Variants in ARHGEF12 observed in about 807,000 individuals in gnomAD.
The protein encoded by ARHGEF12 is Rho guanine nucleotide exchange factor 12.
Under a neutral mutation model 211.2 loss-of-function variants are expected in ARHGEF12, and 66 were observed. The observed-to-expected ratio is 0.31, with a 90% CI of 0.26 to 0.38. ARHGEF12 has a LOEUF of 0.38. ARHGEF12 is among the 10% of genes least tolerant of loss of function. The pLI, the probability that ARHGEF12 is intolerant of heterozygous loss-of-function variation, is 1.00. For missense variants in ARHGEF12, 1,429 were observed against 1,869.5 expected, an observed-to-expected ratio of 0.76 and a Z score of 4.34; for synonymous variants, 592 against 638.4, an observed-to-expected ratio of 0.93 and a Z score of 1.09.
intron 4 of ARHGEF12, among the ~76,000 whole-genome samples, chr11:120,413,031 T>C (rs894283989): frequency 6.6e-6 from 1 of 152,210 alleles, no homozygotes; most frequent in Non-Finnish European, 1.5e-5. Context: ...CTTTTCTCCA[T>C]TCTATATTCT....
intron 1 of ARHGEF12, among the ~76,000 whole-genome samples, chr11:120,405,309 G>A (rs1319204529): frequency 3.9e-5 from 6 of 152,230 alleles, no homozygotes; most frequent in Admixed American, 3.3e-4. Context: ...AAATCAAAAT[G>A]TAGGATGATA....
chr11:120,396,612 C>T (rs1331406721), intron 1 of ARHGEF12, among the ~76,000 whole-genome samples: 3 of 152,102 alleles, frequency 2.0e-5, no homozygotes, highest in Non-Finnish European at 2.9e-5. Flanking sequence ...TTTCAACAAA[C>T]GGTGCTGGAA....
intron 26 of ARHGEF12, 109 bp downstream of exon 26, chr11:120,459,429 T>A: frequency 8.5e-7 from 1 of 1,177,432 alleles, no homozygotes; most frequent in Non-Finnish European, 1.2e-6. Flanking sequence ...AGATTATGTG[T>A]GAGAATGTAA....
At chr11:120,458,631 C>G (rs1040339742) in intron 25 of ARHGEF12, 1 of 218,390 alleles carries the variant, frequency 4.6e-6, no homozygotes, top group Non-Finnish European at 9.0e-6. Flanking sequence ...CTTTCTGTAT[C>G]GAAGTGCAGT....
At chr11:120,444,960 C>T (rs773994160) in intron 15 of ARHGEF12, among the ~76,000 whole-genome samples, 3 of 151,912 alleles carry the variant, frequency 2.0e-5, no homozygotes, top group African/African-American at 4.8e-5. Flanking sequence ...CATAGGAAAA[C>T]GATTAGGAAT....
Position 120,384,388 on chromosome 11 carries a change from A to C in ARHGEF12, c.33-21730A>C, listed in dbSNP as rs1373269. Among the ~76,000 whole-genome samples the C allele has an allele frequency of 4.2e-3, 646 of 152,350 alleles. 7 individuals are homozygous for C. The highest frequency in any genetic ancestry group is 0.015 in the African/African-American group (622 of 41,582). ...TTTTAAGGAATATGTTTTGTAAAAC[A>C]ACATGTTTTTCATTCGTTACTTATA... On this transcript the variant is annotated intron_variant, in intron 1 of 40. Coordinates refer to ENST00000397843, the MANE Select transcript of ARHGEF12 (RefSeq NM_015313.3).
Position 120,487,145 on chromosome 11 carries a change from C to T in ARHGEF12, c.*2068C>T, listed in dbSNP as rs1010088789. The T allele has an allele frequency of 2.3e-5, 5 of 217,640 alleles. No individual in the cohort carries two copies. Among genetic ancestry groups the T allele is most frequent in the South Asian group, 3.7e-4 (2 of 5,370 alleles). The allele number at this position is 217,640 out of a possible 1,614,324, so 13.5% of individuals were successfully genotyped here. ...GTAAATATAAAAACTTTGCTCTTAA[C>T]GTCACACACTACAGGGTAATTATGT... On this transcript the variant is annotated 3_prime_UTR_variant, in exon 41 of 41. Transcript: ENST00000397843.
chr11:120,428,191 C>A lies in ARHGEF12; in HGVS notation c.529C>A (p.His177Asn). 3.1e-6 allele frequency: 5 copies of A among 1,611,862 alleles called. No homozygotes were observed. Among genetic ancestry groups the A allele is most frequent in the Non-Finnish European group, 4.2e-6 (5 of 1,179,102 alleles). The change falls in exon 8 of 41, where the codon CAT (histidine) becomes AAT (asparagine). Residue 177 changes from histidine (H) to asparagine (N), a missense_variant. Transcript: ENST00000397843. ...GHMSPIMTSP[H>N]SPGASGNMER... ...TATGTCTCCCATCATGACATCTCCTCATTCACCTGGAGCATCTGGGAATAT... is the reference window on the plus strand; with the variant it reads ...TATGTCTCCCATCATGACATCTCCTAATTCACCTGGAGCATCTGGGAATAT...
chr11:120,406,790 C>G (rs1395090871), intron 2 of ARHGEF12, among the ~76,000 whole-genome samples: 2 of 152,122 alleles, frequency 1.3e-5, no homozygotes, highest in East Asian at 3.9e-4. Context: ...GATCTCCTGA[C>G]CTCGTGATTC....
chr11:120,482,038 C>G (rs907629499), intron 39 of ARHGEF12, among the ~76,000 whole-genome samples: 2 of 152,188 alleles, frequency 1.3e-5, no homozygotes, highest in African/African-American at 4.8e-5. Flanking sequence ...GGATTACAGG[C>G]GTGAGCCACC....
At chr11:120,381,212 C>G (rs1242104169) in intron 1 of ARHGEF12, among the ~76,000 whole-genome samples, 2 of 152,154 alleles carry the variant, frequency 1.3e-5, no homozygotes, top group Non-Finnish European at 2.9e-5. Flanking sequence ...ACACATACAT[C>G]TCTAATTGTT....
At chr11:120,460,641 TACTA>T in intron 26 of ARHGEF12, 27 bp from the exon 27 acceptor site, 1 of 1,584,338 alleles carries the variant, frequency 6.3e-7, no homozygotes, top group South Asian at 1.1e-5. Context: ...CTGAATGTGT[TACTA>T]ACGTTTTTCT....
At chr11:120,430,047 A>G (rs972578330) in intron 10 of ARHGEF12, among the ~76,000 whole-genome samples, 2 of 152,180 alleles carry the variant, frequency 1.3e-5, no homozygotes, top group African/African-American at 2.4e-5. Flanking sequence ...TCTTTGTTCC[A>G]TAATAATTTA....
chr11:120,372,490 G>C (rs1028151232), intron 1 of ARHGEF12, among the ~76,000 whole-genome samples: 1 of 152,100 alleles, frequency 6.6e-6, no homozygotes, highest in East Asian at 1.9e-4. Context: ...TTCTACCAGT[G>C]TGTTATTAAC....
rs200070558 is a variant in ARHGEF12 at position 120,428,053 on chromosome 11, G to T, written c.407-16G>T. On this transcript the variant is annotated splice_polypyrimidine_tract_variant and intron_variant, in intron 7 of 40. Coordinates refer to ENST00000397843, the MANE Select transcript of ARHGEF12 (RefSeq NM_015313.3). Reference sequence around the variant, plus strand: ...ATTTTCCCTTCCCTTCCCTTTTTCCGTCTCCCCACCCCAAGCTGGTTCCTA... The same window carrying T: ...ATTTTCCCTTCCCTTCCCTTTTTCCTTCTCCCCACCCCAAGCTGGTTCCTA... 4 of 1,508,056 alleles carry T rather than the reference G, an allele frequency of 2.7e-6. No homozygotes were observed. Among genetic ancestry groups the T allele is most frequent in the Non-Finnish European group, 3.5e-6 (4 of 1,127,592 alleles). 93.4% of individuals were successfully genotyped at this position (1,508,056 alleles called of 1,614,324 possible).
Position 120,487,684 on chromosome 11 carries a change from C to T in ARHGEF12, c.*2607C>T, listed in dbSNP as rs1416540890. The T allele has an allele frequency of 4.6e-6, 1 of 218,482 alleles. No homozygotes were observed. The highest frequency in any genetic ancestry group is 6.7e-5 in the East Asian group (1 of 14,856). The allele number at this position is 218,482 out of a possible 1,614,324, so 13.5% of individuals were successfully genotyped here. A position where few individuals can be genotyped will look rare whatever the true frequency, so the allele number is the denominator to read the frequency against. On this transcript the variant is annotated 3_prime_UTR_variant, in exon 41 of 41. Coordinates refer to ENST00000397843, the MANE Select transcript of ARHGEF12 (RefSeq NM_015313.3). ...GTGGTGTACAAAGAAAGCTACCTTCCCAGAGCAAGCAGGCTGCATTTTAGC... is the reference window on the plus strand; with the variant it reads ...GTGGTGTACAAAGAAAGCTACCTTCTCAGAGCAAGCAGGCTGCATTTTAGC...
chr11:120,405,976 C>G, intron 1 of ARHGEF12, 142 bp from the exon 2 acceptor site: 2 of 609,620 alleles, frequency 3.3e-6, no homozygotes, highest in Non-Finnish European at 5.5e-6. Flanking sequence ...ACTTCTTATT[C>G]CTCCAGCTTA....
intron 16 of ARHGEF12, among the ~76,000 whole-genome samples, chr11:120,445,899 C>CA (rs1292378443): frequency 6.8e-5 from 10 of 147,656 alleles, no homozygotes; most frequent in East Asian, 4.1e-4. Flanking sequence ...AACTCTGTCT[C>CA]AAAAAAAATA....
chr11:120,478,285 C>G lies in ARHGEF12; in HGVS notation c.3662C>G (p.Thr1221Arg). ...AERQFAKEQH[T>R]DGTLKEVGED... ...AGACAGTTTGCAAAGGAACAACATA[C>G]AGATGGGACACTAAAGGAAGTTGGA... is the stretch of plus-strand genomic sequence containing the variant. The change falls in exon 37 of 41, where the codon ACA (threonine) becomes AGA (arginine). Residue 1221 changes from threonine to arginine, a missense_variant. By Grantham distance (71) the Thr-to-Arg change is moderately conservative. Around this residue, in one of 7 missense-constraint regions of ARHGEF12, gnomAD observed 467 missense variants for 468.4 expected, o/e 1.00. Coordinates refer to ENST00000397843, the MANE Select transcript of ARHGEF12 (RefSeq NM_015313.3). The G allele has an allele frequency of 1.2e-6, 2 of 1,614,130 alleles. No individual in the cohort carries two copies. The highest frequency in any genetic ancestry group is 3.3e-4 in the Middle Eastern group (2 of 6,062).
Sources: gnomAD v4.1 joint callset for allele counts (sites outside exome capture counted in the v4.1 genomes callset) on GRCh38, gnomAD v4.1.1 for gene constraint, gnomAD v4.1.1 regional missense constraint, MANE v1.5 for transcripts, NCBI Gene and HGNC (gene_info 2026-07-23, HGNC 2026-07-21) for gene names.